Variants in IMPG1 observed in about 807,000 individuals in gnomAD.
IMPG1 encodes interphotoreceptor matrix proteoglycan of 150 kDa.
Under a neutral mutation model 92.0 loss-of-function variants are expected in IMPG1, and 85 were observed. The ratio of observed to expected loss-of-function variants is 0.92; its 90% CI spans 0.78 to 1.11. The LOEUF (loss-of-function observed/expected upper bound fraction) is 1.11. Among genes scored for constraint, IMPG1 ranks in the 50% least tolerant of loss-of-function variants. The pLI is 0.00. For missense variants in IMPG1, 1,022 were observed against 956.0 expected, an observed-to-expected ratio of 1.07 and a Z score of -0.91; for synonymous variants, 367 against 334.1, an observed-to-expected ratio of 1.10 and a Z score of -1.08.
At chr6:76,005,104 G>A (rs1344932241) in intron 10 of IMPG1, among the ~76,000 whole-genome samples, 183 bp downstream of exon 10, 1 of 152,168 alleles carries the variant, frequency 6.6e-6, no homozygotes, top group Non-Finnish European at 1.5e-5. Context: ...GGGTACCAAA[G>A]ACTCATCAAA....
chr6:75,971,312 CT>C (rs1782410672), intron 12 of IMPG1, among the ~76,000 whole-genome samples: 1 of 120,868 alleles, frequency 8.3e-6, no homozygotes. Context: ...ACACCAGGGC[CT>C]GTTGTGGGGT....
At position 75,982,536 on chromosome 6, in the gene IMPG1, T is replaced by A. The variant is rs201355160; in HGVS notation, c.1291+20382A>T. Among the ~76,000 whole-genome samples the A allele has an allele frequency of 1.6e-3, 235 of 143,890 alleles. 2 individuals are homozygous for A. The highest frequency in any genetic ancestry group is 0.013 in the East Asian group (60 of 4,662). The allele number at this position is 143,890 out of a possible 152,430, so 94.4% of individuals were successfully genotyped here. A position where few individuals can be genotyped will look rare whatever the true frequency, so the allele number is the denominator to read the frequency against. The stretch of plus-strand genomic sequence containing the variant: ...GCGAGACTCTATCTTAAAAAAAAAA[T>A]GTGTATATCTATCTATCTATCTATC... On this transcript the variant is annotated intron_variant, in intron 12 of 16. Transcript: ENST00000369950.
At chr6:75,961,266 C>G (rs566046778) in intron 12 of IMPG1, among the ~76,000 whole-genome samples, 1 of 152,336 alleles carries the variant, frequency 6.6e-6, no homozygotes, top group South Asian at 2.1e-4. Context: ...TTCCATCCAA[C>G]TCCTTTATAT....
intron 2 of IMPG1, among the ~76,000 whole-genome samples, chr6:76,041,249 G>A (rs191785506): frequency 1.3e-5 from 2 of 152,268 alleles, no homozygotes; most frequent in African/African-American, 4.8e-5. Flanking sequence ...ATGGTTTCTG[G>A]CAATGCCATC....
chr6:75,964,633 C>T (rs1051094136), intron 12 of IMPG1, among the ~76,000 whole-genome samples: 2 of 141,650 alleles, frequency 1.4e-5, no homozygotes, highest in East Asian at 2.1e-4. Flanking sequence ...GCTGAGATGG[C>T]GCCACTGCAC....
chr6:76,020,531 T>G (rs1783403705), intron 6 of IMPG1, among the ~76,000 whole-genome samples: 1 of 151,758 alleles, frequency 6.6e-6, no homozygotes, highest in Admixed American at 6.6e-5. Context: ...TGGAGAGAGG[T>G]TGTAATGAAG....
At chr6:75,946,659 GC>G (rs1554228043) in intron 14 of IMPG1, among the ~76,000 whole-genome samples, 1 of 152,162 alleles carries the variant, frequency 6.6e-6, no homozygotes, top group Non-Finnish European at 1.5e-5. Flanking sequence ...CTCTTGTGTG[GC>G]TTTGGGCTAA....
intron 16 of IMPG1, among the ~76,000 whole-genome samples, 158 bp from the exon 17 acceptor site, chr6:75,922,324 TTATAACCTACTAG>T (rs984716320): frequency 2.0e-5 from 3 of 152,192 alleles, no homozygotes; most frequent in Admixed American, 2.0e-4. Flanking sequence ...ATTCTTAACT[TTATAACCTACTAG>T]AAATGTACTC....
intron 12 of IMPG1, among the ~76,000 whole-genome samples, chr6:75,981,548 C>T (rs1042399687): frequency 2.0e-5 from 3 of 152,190 alleles, no homozygotes; most frequent in Non-Finnish European, 4.4e-5. Flanking sequence ...TAGTCAACAT[C>T]TTTCTTTGCT....
At chr6:76,042,463 T>C (rs1379220442) in intron 1 of IMPG1, among the ~76,000 whole-genome samples, 1 of 152,014 alleles carries the variant, frequency 6.6e-6, no homozygotes, top group African/African-American at 2.4e-5. Context: ...TCTCTTATGA[T>C]AGATAATATA....
intron 14 of IMPG1, among the ~76,000 whole-genome samples, chr6:75,940,592 T>C (rs1781823115): frequency 6.6e-6 from 1 of 152,186 alleles, no homozygotes; most frequent in South Asian, 2.1e-4. Flanking sequence ...TCCAAAATTT[T>C]ATTAAAGTTT....
At chr6:75,943,236 C>A (rs561462300) in intron 14 of IMPG1, among the ~76,000 whole-genome samples, 151 of 152,254 alleles carry the variant, frequency 9.9e-4, no homozygotes, top group Non-Finnish European at 2.0e-3. Flanking sequence ...GTGTGCCCTG[C>A]ATGGTTAGTG....
At chr6:76,045,633 C>T (rs1323823215) in intron 1 of IMPG1, among the ~76,000 whole-genome samples, 1 of 151,966 alleles carries the variant, frequency 6.6e-6, no homozygotes, top group Non-Finnish European at 1.5e-5. Context: ...CTTAGGATCA[C>T]TTGAGTCCAA....
rs995264207 is a variant in IMPG1, at chr6:75,922,147, G to T, written c.2336C>A (p.Ser779Tyr). The T allele has an allele frequency of 7.2e-7, 1 of 1,398,370 alleles. No homozygotes were observed. The highest frequency in any genetic ancestry group is 2.3e-5 in the East Asian group (1 of 43,026). 86.6% of individuals were successfully genotyped at this position (1,398,370 alleles called of 1,614,324 possible). ...TTCATATTCTACGGTCAGTAATTCAGAATTTCTTTTACTGATTACCTGAAA... is the reference window on the plus strand; with the variant it reads ...TTCATATTCTACGGTCAGTAATTCATAATTTCTTTTACTGATTACCTGAAA... Reference protein sequence around the residue: ...QNNKVISKRNSELLTVEYEEF... With the variant: ...QNNKVISKRNYELLTVEYEEF... The change falls in exon 17 of 17, where the codon TCT (serine) becomes TAT (tyrosine). Residue 779 changes from serine (S) to tyrosine (Y), a missense_variant. This residue lies in a region of IMPG1 where 332 missense variants were observed against 346.2 expected (regional missense o/e 0.96). Coordinates refer to ENST00000369950, the MANE Select transcript of IMPG1 (RefSeq NM_001563.4).
At chr6:76,029,162 G>A (rs553175674) in intron 4 of IMPG1, among the ~76,000 whole-genome samples, 1 of 152,312 alleles carries the variant, frequency 6.6e-6, no homozygotes, top group African/African-American at 2.4e-5. Context: ...GGTCAGTAAA[G>A]AATGTCACTT....
chr6:76,022,063 A>G (rs1486741207), intron 6 of IMPG1, 53 bp downstream of exon 6: 1 of 993,984 alleles, frequency 1.0e-6, no homozygotes, highest in Admixed American at 1.8e-5. Context: ...CTGTTTTGCT[A>G]AAGAACAAAA....
In IMPG1 at chr6:75,976,539, C is replaced by T. The variant is rs545201326; in HGVS notation, c.1292-25445G>A. 6.1e-5 allele frequency among the ~76,000 whole-genome samples: 9 copies of T among 148,078 alleles called. No homozygotes were observed. The South Asian group carries it at 1.3e-3, about 22-fold the overall frequency. On this transcript the variant is annotated intron_variant, in intron 12 of 16. Transcript: ENST00000369950. ...TTGTGCCACTGCACTCCAGCCTGGG[C>T]GACAGAGCGAGACTCTTGTTTCAAA...
intron 1 of IMPG1, among the ~76,000 whole-genome samples, chr6:76,058,873 T>C (rs911919598): frequency 2.0e-5 from 3 of 152,158 alleles, no homozygotes; most frequent in African/African-American, 7.2e-5. Context: ...AGCTAAGTTT[T>C]CCTAGAGTGA....
At chr6:75,999,547 G>A (rs1376075126) in intron 12 of IMPG1, among the ~76,000 whole-genome samples, 1 of 152,200 alleles carries the variant, frequency 6.6e-6, no homozygotes, top group African/African-American at 2.4e-5. Flanking sequence ...CTTGTCCAGA[G>A]TGCCCCTGCA....
Sources: gnomAD v4.1 joint callset for allele counts (sites outside exome capture counted in the v4.1 genomes callset) on GRCh38, gnomAD v4.1.1 for gene constraint, gnomAD v4.1.1 regional missense constraint, MANE v1.5 for transcripts, NCBI Gene and HGNC (gene_info 2026-07-23, HGNC 2026-07-21) for gene names.